Variants in PAK5 observed in about 807,000 individuals in gnomAD.
The protein encoded by PAK5 is serine/threonine-protein kinase PAK 5.
Under a neutral mutation model 65.9 loss-of-function variants are expected in PAK5, and 16 were observed. The observed-to-expected ratio is 0.24, with a 90% confidence interval of 0.16 to 0.37. PAK5 has a LOEUF of 0.37. PAK5 is among the 10% of genes least tolerant of loss of function. The pLI is 1.00. For synonymous variants in PAK5, 371 were observed against 354.9 expected (o/e 1.05, Z -0.51); for missense variants, 785 against 903.9 (o/e 0.87, Z 1.69).
At chr20:9,595,225 A>T (rs2046243008) in intron 3 of PAK5, among the ~76,000 whole-genome samples, 1 of 152,120 alleles carries the variant, frequency 6.6e-6, no homozygotes, top group Non-Finnish European at 1.5e-5. Context: ...ACAGCAATTC[A>T]AAACAGAAAA....
intron 9 of PAK5, among the ~76,000 whole-genome samples, chr20:9,541,815 T>C (rs995549907): frequency 5.3e-5 from 8 of 152,190 alleles, no homozygotes; most frequent in African/African-American, 1.4e-4. Flanking sequence ...TTACCCCATG[T>C]TATTCTCAAG....
intron 9 of PAK5, among the ~76,000 whole-genome samples, chr20:9,540,196 C>A (rs2045238576): frequency 6.6e-6 from 1 of 152,238 alleles, no homozygotes; most frequent in Non-Finnish European, 1.5e-5. Flanking sequence ...CCCACCTCAG[C>A]CTCCTGAGTA....
intron 1 of PAK5, among the ~76,000 whole-genome samples, chr20:9,784,902 AG>A (rs1378603223): frequency 6.6e-6 from 1 of 152,196 alleles, no homozygotes; most frequent in African/African-American, 2.4e-5. Flanking sequence ...ATAAAGAAAT[AG>A]GTGGATAAAG....
At chr20:9,816,388 A>G (rs2049357357) in intron 1 of PAK5, among the ~76,000 whole-genome samples, 1 of 152,186 alleles carries the variant, frequency 6.6e-6, no homozygotes, top group African/African-American at 2.4e-5. Flanking sequence ...GAATGCCCAC[A>G]TATCTGGTTA....
rs149968623 is a variant in PAK5 at position 9,658,458 on chromosome 20, C to A, written c.-11-14119G>T. Among the ~76,000 whole-genome samples the A allele has an allele frequency of 8.1e-4, 123 of 152,160 alleles. 1 individual carries two copies. The highest frequency in any genetic ancestry group is 2.8e-3 in the African/African-American group (117 of 41,518). The stretch of plus-strand genomic sequence containing the variant: ...GAAGAAATACCTCCTAAGACCTAGG[C>A]TAGGAAAAGGCACATAAGATTGGTT... On this transcript the variant is annotated intron_variant, in intron 2 of 9. Coordinates refer to ENST00000353224, the MANE Select transcript of PAK5 (RefSeq NM_177990.4).
At chr20:9,752,399 C>T (rs1469813041) in intron 1 of PAK5, among the ~76,000 whole-genome samples, 1 of 151,956 alleles carries the variant, frequency 6.6e-6, no homozygotes, top group Non-Finnish European at 1.5e-5. Flanking sequence ...AATCATCATG[C>T]CTGCTGTGTG....
At chr20:9,546,360 G>C (rs760890897) in intron 7 of PAK5, among the ~76,000 whole-genome samples, 1 of 152,124 alleles carries the variant, frequency 6.6e-6, no homozygotes, top group African/African-American at 2.4e-5. Context: ...ATTAACTGGA[G>C]TTCAATGTGT....
rs2123016010 is a variant in PAK5 at position 9,580,607 on chromosome 20, C to T, written c.528G>A (p.Lys176=). The change falls in exon 4 of 10, where the codon AAG becomes AAA. Residue 176 remains lysine (K), a synonymous_variant. Coordinates refer to ENST00000353224, the MANE Select transcript of PAK5 (RefSeq NM_177990.4). ...AKQNGHVMKM[K]HGEAYYSEVK... Reference sequence around the variant, plus strand: ...CCTCAGAATAGTAGGCCTCCCCGTGCTTCATTTTCATTACGTGCCCATTTT... The same window carrying T: ...CCTCAGAATAGTAGGCCTCCCCGTGTTTCATTTTCATTACGTGCCCATTTT... The T allele has an allele frequency of 1.2e-6, 2 of 1,613,968 alleles. No homozygotes were observed. Among genetic ancestry groups the T allele is most frequent in the South Asian group, 2.2e-5 (2 of 91,074 alleles).
intron 2 of PAK5, among the ~76,000 whole-genome samples, chr20:9,696,177 C>T (rs1390554705): frequency 6.6e-6 from 1 of 151,994 alleles, no homozygotes; most frequent in Admixed American, 6.6e-5. Flanking sequence ...ACATTATCTA[C>T]AGATCAATCC....
chr20:9,822,816 C>T (rs549437509), intron 1 of PAK5, among the ~76,000 whole-genome samples: 1 of 152,336 alleles, frequency 6.6e-6, no homozygotes, highest in Admixed American at 6.5e-5. Flanking sequence ...AACTAACATT[C>T]TCTGGGAACA....
In PAK5 at chr20:9,538,547, C is replaced by T. The variant is rs1051940860; in HGVS notation, c.*915G>A. 8.6e-6 allele frequency: 2 copies of T among 233,052 alleles called. No homozygotes were observed. The highest frequency in any genetic ancestry group is 4.4e-5 in the African/African-American group (2 of 45,266). The allele number at this position is 233,052 out of a possible 1,614,324, so 14.4% of individuals were successfully genotyped here. On this transcript the variant is annotated 3_prime_UTR_variant, in exon 10 of 10. Coordinates refer to ENST00000353224, the MANE Select transcript of PAK5 (RefSeq NM_177990.4). ...AATGATCCTAGCACTGAAATTGCTC[C>T]CTGGGAGGGAAATTTGGCCACAAGG...
intron 1 of PAK5, among the ~76,000 whole-genome samples, chr20:9,797,438 T>C (rs1337102631): frequency 2.1e-5 from 3 of 145,452 alleles, no homozygotes; most frequent in Non-Finnish European, 3.0e-5. Context: ...TAGGCGGGAA[T>C]TGAACAATGA....
At chr20:9,770,263 C>T (rs968149066) in intron 1 of PAK5, among the ~76,000 whole-genome samples, 1 of 152,062 alleles carries the variant, frequency 6.6e-6, no homozygotes, top group African/African-American at 2.4e-5. Flanking sequence ...CAGATGAGTG[C>T]AGATGTGCGG....
chr20:9,679,171 A>G (rs2047616148), intron 2 of PAK5, among the ~76,000 whole-genome samples: 1 of 152,064 alleles, frequency 6.6e-6, no homozygotes, highest in African/African-American at 2.4e-5. Context: ...CTTGCCTGTA[A>G]TTTTTCTCAG....
chr20:9,702,233 A>G (rs977211118), intron 2 of PAK5, among the ~76,000 whole-genome samples: 8 of 152,266 alleles, frequency 5.3e-5, no homozygotes, highest in African/African-American at 1.9e-4. Flanking sequence ...CAGAGCAGCC[A>G]AGCCTGAGAG....
chr20:9,631,690 T>C (rs753063493), intron 3 of PAK5, among the ~76,000 whole-genome samples: 2 of 152,192 alleles, frequency 1.3e-5, no homozygotes, highest in African/African-American at 2.4e-5. Context: ...AGCCATTAAC[T>C]TAGTGGTAAT....
At chr20:9,645,907 A>G (rs1421964225) in intron 2 of PAK5, among the ~76,000 whole-genome samples, 3 of 152,198 alleles carry the variant, frequency 2.0e-5, no homozygotes, top group African/African-American at 7.2e-5. Flanking sequence ...ACTTCTATGT[A>G]TATATTCTTC....
intron 3 of PAK5, among the ~76,000 whole-genome samples, chr20:9,643,744 G>A (rs2047097830): frequency 6.6e-6 from 1 of 152,084 alleles, no homozygotes; most frequent in Non-Finnish European, 1.5e-5. Context: ...TATTTTGAGA[G>A]CAAATGGAAA....
intron 1 of PAK5, among the ~76,000 whole-genome samples, chr20:9,789,443 C>T (rs2049026636): frequency 6.6e-6 from 1 of 152,228 alleles, no homozygotes; most frequent in Admixed American, 6.5e-5. Context: ...TTTAAAAACT[C>T]ACTTAAACTC....
Sources: gnomAD v4.1 joint callset for allele counts (sites outside exome capture counted in the v4.1 genomes callset) on GRCh38, gnomAD v4.1.1 for gene constraint, MANE v1.5 for transcripts, NCBI Gene and HGNC (gene_info 2026-07-23, HGNC 2026-07-21) for gene names.